SPMAP2L: variants seen among roughly 807,000 people sequenced by gnomAD.
The protein encoded by SPMAP2L is sperm microtubule associated protein 2 like.
the SPMAP2L span, among the ~76,000 whole-genome samples, chr4:56,567,439 G>A: frequency 9.7e-6 from 1 of 102,790 alleles, no homozygotes; most frequent in African/African-American, 4.1e-5. Flanking sequence ...GCTAATTTTG[G>A]TGGTTTTTTT....
chr4:56,579,133 C>A, the SPMAP2L span, among the ~76,000 whole-genome samples: 1 of 151,890 alleles, frequency 6.6e-6, no homozygotes, highest in Admixed American at 6.6e-5. Context: ...TCTATGAAAC[C>A]TCTACTCAAA....
the SPMAP2L span, among the ~76,000 whole-genome samples, chr4:56,591,138 T>C: frequency 7.2e-5 from 11 of 152,204 alleles, no homozygotes; most frequent in African/African-American, 2.7e-4. Flanking sequence ...GGGAGGTAAT[T>C]GGATCATGAG....
the SPMAP2L span, among the ~76,000 whole-genome samples, chr4:56,616,488 G>GC: frequency 2.0e-5 from 3 of 152,296 alleles, no homozygotes; most frequent in Admixed American, 6.5e-5. Context: ...ACCTTGAGTA[G>GC]CAAGTATCAA....
At chr4:56,538,838 C>G in the SPMAP2L span, among the ~76,000 whole-genome samples, 1 of 152,188 alleles carries the variant, frequency 6.6e-6, no homozygotes, top group East Asian at 1.9e-4. Flanking sequence ...TACTTTAAAG[C>G]CTTCTACCTT....
the SPMAP2L span, chr4:56,595,059 T>C: frequency 1.9e-6 from 3 of 1,610,542 alleles, no homozygotes; most frequent in South Asian, 3.3e-5. Context: ...GAACCGTCAG[T>C]GCGGCCCCAT....
At chr4:56,601,012 T>C in the SPMAP2L span, 2 of 1,535,448 alleles carry the variant, frequency 1.3e-6, no homozygotes, top group Admixed American at 3.9e-5. Context: ...TCATCAAGAT[T>C]ATCTACCTGA....
chr4:56,579,181 A>G, the SPMAP2L span, among the ~76,000 whole-genome samples: 1 of 152,162 alleles, frequency 6.6e-6, no homozygotes. Context: ...TGTACATGGA[A>G]CATTCTCTAG....
At chr4:56,609,557 T>C in the SPMAP2L span, among the ~76,000 whole-genome samples, 2 of 152,168 alleles carry the variant, frequency 1.3e-5, no homozygotes, top group African/African-American at 2.4e-5. Context: ...AAACATGAAT[T>C]TGGGGGAACC....
the SPMAP2L span, among the ~76,000 whole-genome samples, chr4:56,574,790 G>A: frequency 2.0e-5 from 3 of 151,600 alleles, no homozygotes; most frequent in Non-Finnish European, 2.9e-5. Flanking sequence ...GACCAGCCTG[G>A]GGAACATAGT....
At chr4:56,610,855 C>T in the SPMAP2L span, among the ~76,000 whole-genome samples, 1 of 152,168 alleles carries the variant, frequency 6.6e-6, no homozygotes, top group South Asian at 2.1e-4. Flanking sequence ...TGCTCGACAT[C>T]ACTAATGATG....
the SPMAP2L span, among the ~76,000 whole-genome samples, chr4:56,543,700 A>G: frequency 6.6e-6 from 1 of 152,030 alleles, no homozygotes; most frequent in Non-Finnish European, 1.5e-5. Context: ...AAATAAATAA[A>G]TAAATAAATA....
chr4:56,612,592 C>G, the SPMAP2L span, among the ~76,000 whole-genome samples: 1,320 of 150,700 alleles, frequency 8.8e-3, 21 homozygotes, highest in African/African-American at 0.028. Context: ...TTTTTCAAGA[C>G]AGTCTCACTC....
At chr4:56,573,717 G>A in the SPMAP2L span, among the ~76,000 whole-genome samples, 2 of 152,156 alleles carry the variant, frequency 1.3e-5, no homozygotes, top group Admixed American at 1.3e-4. Flanking sequence ...GGCTATGTGT[G>A]GGTATGGGTG....
At chr4:56,572,852 C>T in the SPMAP2L span, among the ~76,000 whole-genome samples, 2 of 152,064 alleles carry the variant, frequency 1.3e-5, no homozygotes, top group Admixed American at 6.5e-5. Flanking sequence ...CCTGTCTATA[C>T]TAAAAATACA....
At chr4:56,580,638 A>G in the SPMAP2L span, among the ~76,000 whole-genome samples, 1 of 151,180 alleles carries the variant, frequency 6.6e-6, no homozygotes, top group Non-Finnish European at 1.5e-5. Flanking sequence ...AGGCATGAAA[A>G]AAAATAAAAA....
the SPMAP2L span, among the ~76,000 whole-genome samples, chr4:56,583,260 C>T: frequency 6.7e-6 from 1 of 148,776 alleles, no homozygotes; most frequent in African/African-American, 2.5e-5. Context: ...GGTGACAGAG[C>T]GAGACTCCAT....
At chr4:56,604,765 AC>A in the SPMAP2L span, among the ~76,000 whole-genome samples, 2 of 152,226 alleles carry the variant, frequency 1.3e-5, no homozygotes, top group Non-Finnish European at 2.9e-5. Context: ...ATGCCCATCA[AC>A]CAACAAGTGG....
At chr4:56,541,978 CAT>C in the SPMAP2L span, among the ~76,000 whole-genome samples, 3 of 152,250 alleles carry the variant, frequency 2.0e-5, no homozygotes, top group East Asian at 1.9e-4. Flanking sequence ...CCACTAAATA[CAT>C]GTTTCCCTAA....
chr4:56,589,803 A>T, the SPMAP2L span, among the ~76,000 whole-genome samples: 1 of 149,974 alleles, frequency 6.7e-6, no homozygotes, highest in Non-Finnish European at 1.5e-5. Context: ...GGAGTTCTTG[A>T]TTTGTTTCTC....
Sources: gnomAD v4.1 joint callset for allele counts (sites outside exome capture counted in the v4.1 genomes callset) on GRCh38, gnomAD v4.1.1 for gene constraint, MANE v1.5 for transcripts, NCBI Gene and HGNC (gene_info 2026-07-23, HGNC 2026-07-21) for gene names.